MAP4K5: variants seen among roughly 807,000 people sequenced by gnomAD.
MAP4K5 encodes the protein MAPK/ERK kinase kinase kinase 5.
A neutral mutation model predicts 135.6 loss-of-function variants in MAP4K5; 82 were observed. That is an observed-to-expected ratio of 0.60 (90% confidence interval 0.51 to 0.73). MAP4K5 has a LOEUF of 0.73. Ranked by LOEUF, MAP4K5 falls within the 30% of genes least tolerant of loss-of-function variation. The probability of loss-of-function intolerance (pLI) is 0.00; values close to 1 mark genes in which losing one functional copy is unlikely to be tolerated. For missense variants in MAP4K5, 907 were observed against 1,010.9 expected (o/e 0.90, Z 1.39); for synonymous variants, 347 against 335.0 (o/e 1.04, Z -0.39).
intron 14 of MAP4K5, among the ~76,000 whole-genome samples, chr14:50,453,309 T>C (rs2036532640): frequency 6.6e-6 from 1 of 150,768 alleles, no homozygotes; most frequent in Non-Finnish European, 1.5e-5. Context: ...GTAATTTAGC[T>C]AATACAGTCA....
At chr14:50,465,254 GTCTTC>G (rs1275506353) in intron 11 of MAP4K5, among the ~76,000 whole-genome samples, 2 of 152,150 alleles carry the variant, frequency 1.3e-5, no homozygotes, top group East Asian at 3.9e-4. Flanking sequence ...GCAATGGACT[GTCTTC>G]TCAGAAAAAT....
chr14:50,540,812 C>T (rs915985173), intron 2 of MAP4K5, among the ~76,000 whole-genome samples: 2 of 152,178 alleles, frequency 1.3e-5, no homozygotes, highest in African/African-American at 4.8e-5. Flanking sequence ...ACCTCCCTAG[C>T]TAACTTCTTA....
intron 9 of MAP4K5, chr14:50,472,050 A>C (rs1436891827): frequency 6.6e-6 from 1 of 152,366 alleles, no homozygotes; most frequent in Non-Finnish European, 1.5e-5. Flanking sequence ...GAGAGAACTC[A>C]TACTGGTGAT....
At chr14:50,443,522 C>T (rs4901035) in intron 20 of MAP4K5, among the ~76,000 whole-genome samples, 151,155 of 152,336 alleles carry the variant, frequency 0.99, 75,009 homozygotes, top group Middle Eastern at 1. Flanking sequence ...GATGACTCAA[C>T]TGCCAGTATT....
chr14:50,481,074 T>A (rs956963729), intron 6 of MAP4K5, among the ~76,000 whole-genome samples: 7 of 151,850 alleles, frequency 4.6e-5, no homozygotes, highest in South Asian at 4.2e-4. Flanking sequence ...TTTTTTTTTT[T>A]ATTTTTTCAC....
In MAP4K5 at chr14:50,435,055, A is replaced by C. The variant is rs753871677; in HGVS notation, c.1893T>G (p.Pro631=). 2 of 1,596,814 alleles carry C rather than the reference A, an allele frequency of 1.3e-6. No individual in the cohort carries two copies. The highest frequency in any genetic ancestry group is 2.7e-5 in the African/African-American group (2 of 74,500). The change falls in exon 27 of 33, where the codon CCT becomes CCG. Residue 631 remains proline, a synonymous_variant. Transcript: ENST00000682126. ...GCHKCCIVRN[P]YTGHKYLCGA... ...CACAGAGGTATTTATGTCCCGTGTA[A>C]GGGTTTCTGACTGGAAAGAAATAAA...
At chr14:50,422,649 T>C (rs1213680612) in intron 32 of MAP4K5, among the ~76,000 whole-genome samples, 1 of 152,184 alleles carries the variant, frequency 6.6e-6, no homozygotes, top group Non-Finnish European at 1.5e-5. Flanking sequence ...ATTTTTTTCA[T>C]AAGATGACAG....
At chr14:50,509,850 T>C (rs1303149658) in intron 2 of MAP4K5, among the ~76,000 whole-genome samples, 3 of 152,142 alleles carry the variant, frequency 2.0e-5, no homozygotes, top group East Asian at 1.9e-4. Context: ...TGGACTCCTA[T>C]AGAAAACAGA....
chr14:50,526,116 A>G (rs966132061), intron 2 of MAP4K5, among the ~76,000 whole-genome samples: 2 of 152,080 alleles, frequency 1.3e-5, no homozygotes, highest in Non-Finnish European at 2.9e-5. Flanking sequence ...TATCTTCTCT[A>G]CCTAGAAACC....
chr14:50,488,653 A>C (rs1595503921), intron 3 of MAP4K5, among the ~76,000 whole-genome samples: 2 of 152,154 alleles, frequency 1.3e-5, no homozygotes, highest in Non-Finnish European at 2.9e-5. Context: ...TCTGGGTTCC[A>C]CCCTGCAACT....
chr14:50,558,055 A>G (rs1487838851), intron 1 of MAP4K5, among the ~76,000 whole-genome samples: 1 of 152,252 alleles, frequency 6.6e-6, no homozygotes, highest in African/African-American at 2.4e-5. Context: ...CCATTAATTT[A>G]TAGAGGGACT....
intron 30 of MAP4K5, 22 bp from the exon 31 acceptor site, chr14:50,425,999 T>G: frequency 6.9e-7 from 1 of 1,453,208 alleles, no homozygotes; most frequent in Non-Finnish European, 9.7e-7. Context: ...AAGGGAGAAG[T>G]GAAACTAATA....
At position 50,546,880 on chromosome 14, in the gene MAP4K5, C is replaced by G. The variant is rs919258292; in HGVS notation, c.-179-4296G>C. ...TACTTTAAGTTCTGGGGTACATGTG[C>G]GGAACATGCAGGTTTGTTACATAGG... On this transcript the variant is annotated intron_variant, in intron 1 of 8. Coordinates refer to the MAP4K5 transcript ENST00000555216. Among the ~76,000 whole-genome samples the G allele has an allele frequency of 2.6e-4, 39 of 151,918 alleles. 1 individual carries two copies. Among genetic ancestry groups the G allele is most frequent in the Non-Finnish European group, 1.0e-4 (7 of 68,002 alleles).
intron 2 of MAP4K5, among the ~76,000 whole-genome samples, chr14:50,519,079 C>T (rs943540019): frequency 6.6e-6 from 1 of 151,994 alleles, no homozygotes; most frequent in African/African-American, 2.4e-5. Context: ...GAGACAATTG[C>T]TTGTATGTTT....
At chr14:50,541,465 G>A (rs1235183822) in intron 2 of MAP4K5, among the ~76,000 whole-genome samples, 1 of 152,162 alleles carries the variant, frequency 6.6e-6, no homozygotes, top group Non-Finnish European at 1.5e-5. Flanking sequence ...CCTTAAAGAT[G>A]CACAGTGTTT....
Position 50,445,199 on chromosome 14 carries a change from T to A in MAP4K5, c.1186-5A>T. 1.2e-6 allele frequency: 2 copies of A among 1,612,036 alleles called. No individual in the cohort carries two copies. The highest frequency in any genetic ancestry group is 1.7e-5 in the Admixed American group (1 of 59,740). On this transcript the variant is annotated splice_region_variant and splice_polypyrimidine_tract_variant and intron_variant, in intron 17 of 32. Transcript: ENST00000682126. Reference sequence around the variant, plus strand: ...AGGGTAACTGCTTATCCTTGGCTAGTGGTACAAAGACAAAAAAGTACTTTA... The same window carrying A: ...AGGGTAACTGCTTATCCTTGGCTAGAGGTACAAAGACAAAAAAGTACTTTA...
chr14:50,477,300 T>A (rs183055896), intron 6 of MAP4K5, among the ~76,000 whole-genome samples: 72 of 152,328 alleles, frequency 4.7e-4, no homozygotes, highest in African/African-American at 1.5e-3. Context: ...TAAATCTGAT[T>A]GATTTTTGTA....
chr14:50,545,786 A>G (rs1372635881), intron 1 of MAP4K5, among the ~76,000 whole-genome samples: 1 of 152,196 alleles, frequency 6.6e-6, no homozygotes, highest in Admixed American at 6.5e-5. Flanking sequence ...GTTTCCAAAA[A>G]CATGGGGAAG....
At chr14:50,507,722 A>G (rs1174268068) in intron 2 of MAP4K5, among the ~76,000 whole-genome samples, 2 of 152,182 alleles carry the variant, frequency 1.3e-5, no homozygotes, top group African/African-American at 4.8e-5. Context: ...ACAGTTTGTT[A>G]TAATTTCTGT....
Sources: gnomAD v4.1 joint callset for allele counts (sites outside exome capture counted in the v4.1 genomes callset) on GRCh38, gnomAD v4.1.1 for gene constraint, MANE v1.5 for transcripts, NCBI Gene and HGNC (gene_info 2026-07-23, HGNC 2026-07-21) for gene names.